Variants in ARID3B observed in about 807,000 individuals in gnomAD.
The protein encoded by ARID3B is AT-rich interactive domain-containing protein 3B.
ARID3B carries 10 observed loss-of-function variants against 51.9 expected under a neutral mutation model. The observed-to-expected ratio is 0.19, with a 90% CI of 0.12 to 0.33. The LOEUF is 0.33. Among genes scored for constraint, ARID3B ranks in the 10% least tolerant of loss-of-function variants. The pLI, the probability that ARID3B is intolerant of heterozygous loss-of-function variation, is 1.00. For missense variants in ARID3B, 483 were observed against 716.3 expected, an observed-to-expected ratio of 0.67 and a Z score of 3.72; for synonymous variants, 205 against 279.5, an observed-to-expected ratio of 0.73 and a Z score of 2.66.
rs371947919 is a variant in ARID3B, at chr15:74,569,490, C to T, written c.553-3372C>T. ...TAGTCCCAGCTACTCAGGAGGCTGA[C>T]GCAGGAGAATCGCCTGAACCTAAGA... On this transcript the variant is annotated intron_variant, in intron 2 of 8. Coordinates refer to ENST00000346246, the MANE Select transcript of ARID3B (RefSeq NM_006465.4). 1.2e-4 allele frequency among the ~76,000 whole-genome samples: 19 copies of T among 152,250 alleles called. No individual in the cohort carries two copies. In the East Asian group the frequency reaches 2.5e-3, roughly 20 times the overall value.
At chr15:74,546,246 G>T (rs543981344) in intron 2 of ARID3B, among the ~76,000 whole-genome samples, 2 of 151,482 alleles carry the variant, frequency 1.3e-5, no homozygotes, top group Non-Finnish European at 3.0e-5. Context: ...GTGAGTTGCC[G>T]GCTGCCCCCG....
In ARID3B at chr15:74,595,903, C is replaced by T. The variant is rs1198483982; in HGVS notation, c.*129C>T. 2.0e-5 allele frequency: 21 copies of T among 1,031,404 alleles called. No individual in the cohort carries two copies. Among genetic ancestry groups the T allele is most frequent in the Middle Eastern group, 6.4e-4 (2 of 3,118 alleles). The allele number at this position is 1,031,404 out of a possible 1,614,324, so 63.9% of individuals were successfully genotyped here. ...TTTGGCCAGACATTGAGAGTTTGGA[C>T]GTGTCCGTCTGTCCAGGCTCCATTC... On this transcript the variant is annotated 3_prime_UTR_variant, in exon 9 of 9. Coordinates refer to ENST00000346246, the MANE Select transcript of ARID3B (RefSeq NM_006465.4).
rs1047278163 is a variant in ARID3B at position 74,585,560 on chromosome 15, G to A, written c.698-4260G>A. 4.6e-5 allele frequency among the ~76,000 whole-genome samples: 7 copies of A among 152,122 alleles called. No homozygotes were observed. The East Asian group carries it at 7.7e-4, about 17-fold the overall frequency. On this transcript the variant is annotated intron_variant, in intron 4 of 8. Coordinates refer to ENST00000346246, the MANE Select transcript of ARID3B (RefSeq NM_006465.4). ...TCACAACTGTCAATTTTTGTTTATC[G>A]ATTTATATCTTGCTGGTTTGAAGGT...
intron 1 of ARID3B, among the ~76,000 whole-genome samples, chr15:74,542,822 G>A (rs1157911116): frequency 6.6e-6 from 1 of 152,160 alleles, no homozygotes; most frequent in Non-Finnish European, 1.5e-5. Flanking sequence ...GAAGTTTGTT[G>A]GGGGTGAGGG....
intron 2 of ARID3B, among the ~76,000 whole-genome samples, chr15:74,550,567 G>T (rs375029484): frequency 6.6e-6 from 1 of 151,802 alleles, no homozygotes; most frequent in Non-Finnish European, 1.5e-5. Flanking sequence ...TTAGCTGGGC[G>T]TGGTGGCAGG....
At chr15:74,543,527 A>G (rs1041775893) in intron 1 of ARID3B, among the ~76,000 whole-genome samples, 4 of 152,210 alleles carry the variant, frequency 2.6e-5, no homozygotes, top group African/African-American at 7.2e-5. Context: ...ACATTAGTTC[A>G]GTAACAGATT....
In ARID3B at chr15:74,544,506, T is replaced by A; in HGVS notation, c.552+18T>A. 6.2e-7 allele frequency: 1 copy of A among 1,603,848 alleles called. No homozygotes were observed. On this transcript the variant is annotated intron_variant, in intron 2 of 8. Coordinates refer to ENST00000346246, the MANE Select transcript of ARID3B (RefSeq NM_006465.4). ...TCAAGCAGGTCAGTCTTTCTGGTAT[T>A]GTAGGTCATTTGGTCTTCCTGAAGG...
intron 4 of ARID3B, among the ~76,000 whole-genome samples, chr15:74,578,631 A>G (rs78650772): frequency 2.0e-5 from 3 of 152,320 alleles, no homozygotes; most frequent in Admixed American, 1.3e-4. Flanking sequence ...CTTGGCCTCC[A>G]TAGCTAATAT....
intron 2 of ARID3B, among the ~76,000 whole-genome samples, chr15:74,567,998 A>C (rs1282988669): frequency 6.6e-6 from 1 of 152,192 alleles, no homozygotes; most frequent in African/African-American, 2.4e-5. Context: ...CCTCTGGTCC[A>C]TTCAGAGGTG....
At chr15:74,554,240 C>T (rs2061648466) in intron 2 of ARID3B, among the ~76,000 whole-genome samples, 1 of 151,822 alleles carries the variant, frequency 6.6e-6, no homozygotes, top group South Asian at 2.1e-4. Context: ...ATCTCCTGAC[C>T]TCAGGTGATC....
intron 4 of ARID3B, chr15:74,573,475 C>G: frequency 2.1e-6 from 1 of 482,746 alleles, no homozygotes; most frequent in Non-Finnish European, 3.8e-6. Context: ...TCTGGAGTCA[C>G]TTCAAATTCA....
chr15:74,579,828 CGT>C (rs374538596), intron 4 of ARID3B, among the ~76,000 whole-genome samples: 11,941 of 137,662 alleles, frequency 0.087, 599 homozygotes, highest in East Asian at 0.25. Flanking sequence ...CACCTGTTGC[CGT>C]GTGTGTGTGT....
chr15:74,586,456 T>C (rs1450558720), intron 4 of ARID3B, among the ~76,000 whole-genome samples: 1 of 152,268 alleles, frequency 6.6e-6, no homozygotes, highest in African/African-American at 2.4e-5. Flanking sequence ...TCTACATCTA[T>C]AACAATGTTG....
intron 2 of ARID3B, among the ~76,000 whole-genome samples, chr15:74,548,232 T>G (rs375625606): frequency 5.9e-5 from 9 of 152,138 alleles, no homozygotes; most frequent in East Asian, 3.9e-4. Context: ...GGGGGTGGTG[T>G]TCTCCCCCTC....
chr15:74,589,019 CTCTTTT>C (rs2061792948), intron 4 of ARID3B, among the ~76,000 whole-genome samples: 1 of 137,370 alleles, frequency 7.3e-6, no homozygotes, highest in Non-Finnish European at 1.5e-5. Flanking sequence ...AACAAGCACA[CTCTTTT>C]TTTTTTTTTT....
chr15:74,569,252 G>A (rs1210991131), intron 2 of ARID3B, among the ~76,000 whole-genome samples: 1 of 152,146 alleles, frequency 6.6e-6, no homozygotes, highest in Non-Finnish European at 1.5e-5. Context: ...ATGAAAGGGG[G>A]AGGGGAAGAC....
chr15:74,587,777 G>A (rs144126998), intron 4 of ARID3B, among the ~76,000 whole-genome samples: 8 of 152,348 alleles, frequency 5.3e-5, no homozygotes, highest in Non-Finnish European at 1.0e-4. Context: ...AGCACTGGGA[G>A]AAGTCAACCA....
rs933071139 is a variant in ARID3B, at chr15:74,548,855, A to G, written c.552+4367A>G. 5.9e-5 allele frequency among the ~76,000 whole-genome samples: 9 copies of G among 152,194 alleles called. No individual in the cohort carries two copies. The East Asian group carries it at 1.7e-3, about 29-fold the overall frequency. On this transcript the variant is annotated intron_variant, in intron 2 of 8. Transcript: ENST00000346246. ...GAGACAAAGGGAATGTGATTTGAGA[A>G]GAGGGAGTTTCGTGTTTGTTTTTGT...
At chr15:74,594,372 T>A (rs566342132) in intron 8 of ARID3B, among the ~76,000 whole-genome samples, 1 of 151,830 alleles carries the variant, frequency 6.6e-6, no homozygotes, top group Non-Finnish European at 1.5e-5. Context: ...GGCGTGAACC[T>A]GGGAGGCAGA....
Sources: allele counts gnomAD v4.1 joint callset (sites outside exome capture counted in the v4.1 genomes callset), GRCh38; gene constraint gnomAD v4.1.1; transcripts MANE v1.5; gene names NCBI Gene and HGNC (gene_info 2026-07-23, HGNC 2026-07-21).